The following SURF4 variants were observed in gnomAD, a reference collection of about 807,000 sequenced individuals.
SURF4 encodes the protein surfeit 4.
SURF4 carries 3 observed loss-of-function variants against 30.0 expected under a neutral mutation model. The ratio of observed to expected loss-of-function variants is 0.10; its 90% CI spans 0.05 to 0.26. The LOEUF (loss-of-function observed/expected upper bound fraction) is 0.26, where lower values mean the gene tolerates loss of function less well. SURF4 is among the 10% of genes least tolerant of loss of function. SURF4 has a pLI of 1.00. For synonymous variants in SURF4, 143 were observed against 139.9 expected (o/e 1.02, Z -0.16); for missense variants, 217 against 350.8 (o/e 0.62, Z 3.05).
chr9:133,372,207 C>A (rs1487299650), intron 1 of SURF4, among the ~76,000 whole-genome samples: 1 of 152,196 alleles, frequency 6.6e-6, no homozygotes, highest in Non-Finnish European at 1.5e-5. Flanking sequence ...GGACACTGTC[C>A]CTGGCTGCCA....
At position 133,366,587 on chromosome 9, in the gene SURF4, C is replaced by T. The variant is rs2130128504; in HGVS notation, c.312+12G>A. The T allele has an allele frequency of 1.4e-5, 22 of 1,613,532 alleles. No homozygotes were observed. Among genetic ancestry groups the T allele is most frequent in the Middle Eastern group, 3.3e-4 (2 of 6,084 alleles). ...CAAAGAGAAGGGAGCCCCGACCACG[C>T]GGCCCGTGTACCTGCAGAGCTATGA... On this transcript the variant is annotated intron_variant, in intron 3 of 5. Coordinates refer to ENST00000371989, the MANE Select transcript of SURF4 (RefSeq NM_033161.4).
intron 5 of SURF4, among the ~76,000 whole-genome samples, chr9:133,364,551 G>A (rs2130104141): frequency 5.3e-5 from 8 of 152,140 alleles, no homozygotes; most frequent in African/African-American, 1.9e-4. Flanking sequence ...AATTAGCCAG[G>A]CGTGTTGGCA....
At position 133,364,890 on chromosome 9, in the gene SURF4, G is replaced by C. The variant is rs2130110959; in HGVS notation, c.493C>G (p.Leu165Val). 3 of 1,614,130 alleles carry C rather than the reference G, an allele frequency of 1.9e-6. No individual in the cohort carries two copies. In the East Asian group the frequency reaches 6.7e-5, roughly 36 times the overall value. ...QYMQLGGRVL[L>V]VLMFMTLLHF... ...AGGAGGGTCATGAACATCAGAACCA[G>C]CAAGACCCTGCCTCCGAGCTGCATG... The change falls in exon 5 of 6, where the codon CTG (leucine) becomes GTG (valine). Residue 165 changes from leucine (L) to valine (V), a missense_variant. Leu to Val is a conservative substitution (Grantham distance 32). Transcript: ENST00000371989.
rs1836873913 is a variant in SURF4 at position 133,362,467 on chromosome 9, G to A, written c.*1026C>T. ...AGTGAGCGACAGCCTCAGGAAAGTG[G>A]TGTGTCGGGGCTGTCCACAGGGCGA... On this transcript the variant is annotated 3_prime_UTR_variant, in exon 6 of 6. Transcript: ENST00000371989. The A allele has an allele frequency of 6.5e-6, 1 of 152,770 alleles. No homozygotes were observed. Among genetic ancestry groups the A allele is most frequent in the East Asian group, 1.9e-4 (1 of 5,192 alleles). The allele number at this position is 152,770 out of a possible 1,614,324, so 9.5% of individuals were successfully genotyped here.
rs2130066174 is a variant in SURF4 at position 133,361,786 on chromosome 9, A to T, written c.*1707T>A. On this transcript the variant is annotated 3_prime_UTR_variant, in exon 6 of 6. Transcript: ENST00000371989. ...CCTTTGGTCCACCCTACTTTCCACCAATCAGCCAACCAACCTTGACCACAG... is the reference window on the plus strand; with the variant it reads ...CCTTTGGTCCACCCTACTTTCCACCTATCAGCCAACCAACCTTGACCACAG... 6.6e-5 allele frequency: 10 copies of T among 152,338 alleles called. No homozygotes were observed. The highest frequency in any genetic ancestry group is 1.3e-4 in the Non-Finnish European group (9 of 68,188). 9.4% of individuals were successfully genotyped at this position (152,338 alleles called of 1,614,324 possible). A position where few individuals can be genotyped will look rare whatever the true frequency, so the allele number is the denominator to read the frequency against.
In SURF4 at chr9:133,365,954, C is replaced by T. The variant is rs2130121791; in HGVS notation, c.356+31G>A. 39 of 1,608,756 alleles carry T rather than the reference C, an allele frequency of 2.4e-5. No homozygotes were observed. In the East Asian group the frequency reaches 6.9e-4, roughly 29 times the overall value. ...TGCAATGCTCAACCTGTAGAAGGAG[C>T]GTATACTAAAACCAACCAGAATGCA... On this transcript the variant is annotated intron_variant, in intron 4 of 5. Coordinates refer to ENST00000371989, the MANE Select transcript of SURF4 (RefSeq NM_033161.4).
chr9:133,372,690 G>A (rs1837575191), intron 1 of SURF4: 1 of 938,598 alleles, frequency 1.1e-6, no homozygotes, highest in East Asian at 1.2e-4. Flanking sequence ...CACTTTATCT[G>A]ATCAGTGACT....
At position 133,363,468 on chromosome 9, in the gene SURF4, C is replaced by T; in HGVS notation, c.*25G>A. 1 of 1,614,210 alleles carries T rather than the reference C, an allele frequency of 6.2e-7. No homozygotes were observed. Among genetic ancestry groups the T allele is most frequent in the Non-Finnish European group, 8.5e-7 (1 of 1,180,044 alleles). The stretch of plus-strand genomic sequence containing the variant: ...AGTCCTTGACGGCCACGGGTCTTAG[C>T]CAGGCAGGTAGGGATCTGTGACTGT... On this transcript the variant is annotated 3_prime_UTR_variant, in exon 6 of 6. Coordinates refer to ENST00000371989, the MANE Select transcript of SURF4 (RefSeq NM_033161.4). The surrounding 1 kb of genome is among the most constrained non-coding windows in gnomAD (Gnocchi z 4.3).
chr9:133,373,534 C>T (rs1386805537), intron 1 of SURF4, among the ~76,000 whole-genome samples: 1 of 151,680 alleles, frequency 6.6e-6, no homozygotes, highest in Non-Finnish European at 1.5e-5. Flanking sequence ...ACCCGGGAGG[C>T]GGAGGTTGCA....
In SURF4 at chr9:133,367,395, C is replaced by A; in HGVS notation, c.99G>T (p.Leu33=). 1 of 1,614,148 alleles carries A rather than the reference C, an allele frequency of 6.2e-7. No homozygotes were observed. The highest frequency in any genetic ancestry group is 8.5e-7 in the Non-Finnish European group (1 of 1,180,048). Residue 33 remains leucine (L), a synonymous_variant, in exon 2 of 6, where the codon CTG becomes CTT. Transcript: ENST00000371989. The part of the protein sequence containing the change: ...QYLPHVARLC[L]ISTFLEDGIR... The stretch of plus-strand genomic sequence containing the variant: ...TGCCGTCCTCCAGGAAGGTGCTGAT[C>A]AGACAGAGGCGCGCCACGTGGGGCA...
intron 1 of SURF4, among the ~76,000 whole-genome samples, chr9:133,372,853 C>G (rs896384949): frequency 1.3e-5 from 2 of 152,168 alleles, no homozygotes; most frequent in African/African-American, 4.8e-5. Flanking sequence ...GACTTCGAAC[C>G]CTGTTTACTT....
In SURF4 at chr9:133,363,677, A is replaced by G; in HGVS notation, c.626T>C (p.Val209Ala). ...TACGTTGATGGCAAAGAGCCACACA[A>G]CAAGAGTCAAAGCAGCCAGCTTGGT... ...FKTKLAALTL[V>A]VWLFAINVYF... Residue 209 changes from valine (V) to alanine (A), a missense_variant, in exon 6 of 6, where the codon GTT becomes GCT. Transcript: ENST00000371989. This position sits in a 1 kb window ranked among gnomAD's most constrained non-coding sequence, Gnocchi z 4.3. 1 of 1,614,250 alleles carries G rather than the reference A, an allele frequency of 6.2e-7. No homozygotes were observed. The highest frequency in any genetic ancestry group is 8.5e-7 in the Non-Finnish European group (1 of 1,180,046).
In SURF4 at chr9:133,375,524, A is replaced by C. The variant is rs1837843036; in HGVS notation, c.48+398T>G. On this transcript the variant is annotated intron_variant, in intron 1 of 5. Transcript: ENST00000371989. ...CAGCCCGCCTCCGGGAGCCCCAGTGAGAGGAAAAACGTGCGGGGACCCCCC... is the reference window on the plus strand; with the variant it reads ...CAGCCCGCCTCCGGGAGCCCCAGTGCGAGGAAAAACGTGCGGGGACCCCCC... 6.0e-6 allele frequency: 4 copies of C among 669,142 alleles called. No individual in the cohort carries two copies. The South Asian group carries it at 2.7e-4, about 45-fold the overall frequency. The allele number at this position is 669,142 out of a possible 1,614,324, so 41.5% of individuals were successfully genotyped here. A position where few individuals can be genotyped will look rare whatever the true frequency, so the allele number is the denominator to read the frequency against.
At chr9:133,373,598 G>A (rs1056805130) in intron 1 of SURF4, among the ~76,000 whole-genome samples, 4 of 150,066 alleles carry the variant, frequency 2.7e-5, no homozygotes, top group Non-Finnish European at 4.4e-5. Flanking sequence ...GTAAGACTCT[G>A]TCTCCAAAAA....
Position 133,362,919 on chromosome 9 carries a change from A to G in SURF4, c.*574T>C, listed in dbSNP as rs2130080342. 3.8e-4 allele frequency: 67 copies of G among 177,400 alleles called. 1 individual carries two copies. Among genetic ancestry groups the G allele is most frequent in the Non-Finnish European group, 1.8e-4 (15 of 82,798 alleles). 11.0% of individuals were successfully genotyped at this position (177,400 alleles called of 1,614,324 possible). A position where few individuals can be genotyped will look rare whatever the true frequency, so the allele number is the denominator to read the frequency against. ...AACAGCAGCTTCTACCACCCCTTTA[A>G]TACTGCATCATTCTTTGGGTGTCCC... On this transcript the variant is annotated 3_prime_UTR_variant, in exon 6 of 6. Coordinates refer to ENST00000371989, the MANE Select transcript of SURF4 (RefSeq NM_033161.4).
At chr9:133,376,149 C>G (rs1296136261), upstream of SURF4, 1 of 1,209,436 alleles carries the variant, frequency 8.3e-7, no homozygotes, top group African/African-American at 1.6e-5. Context: ...GCCGCCCGGG[C>G]CCGCCCCGGT....
At chr9:133,376,532 C>T (rs1372293123), upstream of SURF4, 9 of 1,600,542 alleles carry the variant, frequency 5.6e-6, no homozygotes, top group Middle Eastern at 1.7e-4. Flanking sequence ...GGCCCAGGGT[C>T]CCCCGGAGAG....
intron 1 of SURF4, among the ~76,000 whole-genome samples, chr9:133,367,913 T>C (rs1444230076): frequency 6.6e-6 from 1 of 152,262 alleles, no homozygotes; most frequent in East Asian, 1.9e-4. Flanking sequence ...TCAGCACTAC[T>C]GGCATCTGAG....
At chr9:133,371,109 C>A in intron 1 of SURF4, 1 of 985,422 alleles carries the variant, frequency 1.0e-6, no homozygotes, top group Non-Finnish European at 1.2e-6. Flanking sequence ...GCAGCTCCCA[C>A]GCCACACAGA....
Sources: allele counts gnomAD v4.1 joint callset (sites outside exome capture counted in the v4.1 genomes callset), GRCh38; gene constraint gnomAD v4.1.1; non-coding constraint Gnocchi (gnomAD v3.1); transcripts MANE v1.5; gene names NCBI Gene and HGNC (gene_info 2026-07-23, HGNC 2026-07-21).